DLC1: variants seen among roughly 807,000 people sequenced by gnomAD.
DLC1 encodes rho GTPase-activating protein 7.
A neutral mutation model predicts 140.3 loss-of-function variants in DLC1; 54 were observed. The observed-to-expected ratio is 0.38, with a 90% confidence interval of 0.31 to 0.48. The LOEUF is 0.48. Among genes scored for constraint, DLC1 ranks in the 20% least tolerant of loss-of-function variants. The probability of loss-of-function intolerance (pLI) is 0.96; values close to 1 mark genes in which losing one functional copy is unlikely to be tolerated. For missense variants in DLC1, 2,536 were observed against 1,907.0 expected (o/e 1.33, Z -6.14); for synonymous variants, 986 against 728.1 (o/e 1.35, Z -5.70).
Position 13,094,881 on chromosome 8 carries a change from C to G in DLC1, c.3404G>C (p.Cys1135Ser). The G allele has an allele frequency of 9.3e-6, 15 of 1,614,250 alleles. No individual in the cohort carries two copies. Among genetic ancestry groups the G allele is most frequent in the Non-Finnish European group, 1.2e-5 (14 of 1,180,044 alleles). ...AGCAGACTGTCCTTCGTAGTTGACACAGTCTATGGCACCTTCATTCATCTG... is the reference window on the plus strand; with the variant it reads ...AGCAGACTGTCCTTCGTAGTTGACAGAGTCTATGGCACCTTCATTCATCTG... Reference protein sequence around the residue: ...LRQMNEGAIDCVNYEGQSAYD... With the variant: ...LRQMNEGAIDSVNYEGQSAYD... The change falls in exon 12 of 18, where the codon TGT becomes TCT. Residue 1135 changes from cysteine (C) to serine (S), a missense_variant. Coordinates refer to ENST00000276297, the MANE Select transcript of DLC1 (RefSeq NM_182643.3).
chr8:13,499,319 A>G lies in DLC1; in HGVS notation c.753T>C (p.Asn251=), dbSNP rs139749371. ...PKDENERSTC[N]VVQNEFLDTP... ...TATCCAAGAACTCATTTTGTACTAC[A>G]TTGCAGGTGCTTCTTTCATTTTCAT... The change falls in exon 2 of 18, where the codon AAT becomes AAC. Residue 251 remains asparagine, a synonymous_variant. Coordinates refer to ENST00000276297, the MANE Select transcript of DLC1 (RefSeq NM_182643.3). 7.4e-5 allele frequency: 120 copies of G among 1,614,058 alleles called. No individual in the cohort carries two copies. The African/African-American group carries it at 1.3e-3, about 18-fold the overall frequency.
chr8:13,534,536 C>A (rs1803204958), intron 1 of DLC1, among the ~76,000 whole-genome samples: 1 of 152,064 alleles, frequency 6.6e-6, no homozygotes, highest in Admixed American at 6.5e-5. Context: ...ATGGCAGGGA[C>A]AATTTTCCTT....
At chr8:13,434,284 A>T (rs758784416) in intron 2 of DLC1, among the ~76,000 whole-genome samples, 10 of 152,252 alleles carry the variant, frequency 6.6e-5, no homozygotes, top group Non-Finnish European at 1.3e-4. Flanking sequence ...TGGAACAGTG[A>T]GTTCTAAACC....
At chr8:13,527,249 G>A (rs748680881) in intron 1 of DLC1, among the ~76,000 whole-genome samples, 1 of 152,186 alleles carries the variant, frequency 6.6e-6, no homozygotes, top group African/African-American at 2.4e-5. Flanking sequence ...TTGAAGTTGA[G>A]AAATCCTGCT....
chr8:13,229,995 G>A (rs932102490), intron 5 of DLC1, among the ~76,000 whole-genome samples: 12 of 152,204 alleles, frequency 7.9e-5, no homozygotes, highest in African/African-American at 2.7e-4. Context: ...GAAAACAGAT[G>A]CACAGACACT....
rs1585199062 is a variant in DLC1, at chr8:13,492,476, T to C, written c.1023+6573A>G. On this transcript the variant is annotated intron_variant, in intron 2 of 17. Transcript: ENST00000276297. ...TGGTATCCTATTTTAGCCTGTCCTT[T>C]TTTTTCTATCACTTACTCTCTCTGT... Among the ~76,000 whole-genome samples the C allele has an allele frequency of 2.9e-5, 3 of 103,874 alleles. No homozygotes were observed. The Admixed American group carries it at 3.1e-4, about 11-fold the overall frequency. 68.1% of individuals were successfully genotyped at this position (103,874 alleles called of 152,430 possible).
intron 5 of DLC1, among the ~76,000 whole-genome samples, chr8:13,256,980 G>T (rs1290140560): frequency 1.3e-5 from 2 of 151,596 alleles, no homozygotes. Flanking sequence ...AGTGTGCTGA[G>T]TGAAGGCTAT....
intron 1 of DLC1, among the ~76,000 whole-genome samples, chr8:13,537,924 G>A (rs1803344352): frequency 6.6e-6 from 1 of 152,032 alleles, no homozygotes; most frequent in Non-Finnish European, 1.5e-5. Flanking sequence ...AAAGTTCTGG[G>A]ATTACAGGCG....
At chr8:13,464,762 ATATT>A (rs1236106674) in intron 2 of DLC1, among the ~76,000 whole-genome samples, 4,357 of 59,912 alleles carry the variant, frequency 0.073, 95 homozygotes, top group Non-Finnish European at 0.097. Context: ...ATATATATAT[ATATT>A]TATATATATA....
At chr8:13,386,632 G>A (rs544088188) in intron 4 of DLC1, among the ~76,000 whole-genome samples, 1 of 151,996 alleles carries the variant, frequency 6.6e-6, no homozygotes, top group Non-Finnish European at 1.5e-5. Context: ...AAAAGTAAAT[G>A]GCCGTGGAAA....
intron 5 of DLC1, among the ~76,000 whole-genome samples, chr8:13,180,632 G>A (rs1825979259): frequency 6.6e-6 from 1 of 151,150 alleles, no homozygotes; most frequent in Admixed American, 6.6e-5. Context: ...TGTAGAACTG[G>A]TCACTAAATC....
chr8:13,275,330 G>T (rs1470964227), intron 5 of DLC1, among the ~76,000 whole-genome samples: 6 of 152,160 alleles, frequency 3.9e-5, no homozygotes, highest in African/African-American at 1.2e-4. Flanking sequence ...ACACAGCACA[G>T]AACTCTGTAT....
At chr8:13,278,386 G>C (rs544523569) in intron 5 of DLC1, among the ~76,000 whole-genome samples, 20 of 152,302 alleles carry the variant, frequency 1.3e-4, no homozygotes, top group African/African-American at 4.6e-4. Context: ...CTGTTTTGCA[G>C]AGGAATGGCA....
intron 2 of DLC1, among the ~76,000 whole-genome samples, chr8:13,495,955 C>T (rs1411890890): frequency 6.6e-6 from 1 of 152,194 alleles, no homozygotes; most frequent in African/African-American, 2.4e-5. Flanking sequence ...GATTCAATCA[C>T]ATGATTATCA....
rs377303884 is a variant in DLC1, at chr8:13,532,859, G to T, written c.-125-32663C>A. On this transcript the variant is annotated intron_variant, in intron 1 of 1. Transcript: ENST00000631382. Reference sequence around the variant, plus strand: ...CCCCCATCTCTAACCTACTGTACTTGGCCATTTGCAAAATTCTTCATGTTA... The same window carrying T: ...CCCCCATCTCTAACCTACTGTACTTTGCCATTTGCAAAATTCTTCATGTTA... 2.6e-4 allele frequency among the ~76,000 whole-genome samples: 40 copies of T among 152,048 alleles called. No homozygotes were observed. In the South Asian group the frequency reaches 6.6e-3, roughly 25 times the overall value.
chr8:13,217,388 T>G (rs1188275), intron 5 of DLC1, among the ~76,000 whole-genome samples: 36,504 of 152,098 alleles, frequency 0.24, 6,983 homozygotes, highest in African/African-American at 0.53. Flanking sequence ...TTGTACTAAG[T>G]TGTGCATTTC....
intron 5 of DLC1, among the ~76,000 whole-genome samples, chr8:13,259,349 T>G (rs893037412): frequency 6.6e-6 from 1 of 151,932 alleles, no homozygotes; most frequent in African/African-American, 2.4e-5. Flanking sequence ...GTGATTTGAA[T>G]TTTAATCACT....
rs143025783 is a variant in DLC1, at chr8:13,424,446, G to A, written c.1024-22827C>T. On this transcript the variant is annotated intron_variant, in intron 2 of 17. Transcript: ENST00000276297. ...AGAGGTTGCAGTGAGCAGAGATCAC[G>A]CCACTTCACTCCAGCCTGGGCGACA... Among the ~76,000 whole-genome samples the A allele has an allele frequency of 3.8e-4, 58 of 152,092 alleles. 1 individual carries two copies. The highest frequency in any genetic ancestry group is 1.3e-3 in the African/African-American group (55 of 41,494).
At chr8:13,096,542 A>T (rs894298581) in intron 10 of DLC1, among the ~76,000 whole-genome samples, 1 of 152,076 alleles carries the variant, frequency 6.6e-6, no homozygotes, top group Non-Finnish European at 1.5e-5. Flanking sequence ...GGGGGAGAAA[A>T]GCCCGACGGC....
Sources: gnomAD v4.1 joint callset for allele counts (sites outside exome capture counted in the v4.1 genomes callset) on GRCh38, gnomAD v4.1.1 for gene constraint, MANE v1.5 for transcripts, NCBI Gene and HGNC (gene_info 2026-07-23, HGNC 2026-07-21) for gene names.